The following MAF variants were observed in gnomAD, a reference collection of about 807,000 sequenced individuals.
MAF encodes MAF bZIP transcription factor, also known as transcription factor Maf.
A neutral mutation model predicts 22.0 loss-of-function variants in MAF; 10 were observed. The observed-to-expected ratio is 0.45, with a 90% confidence interval of 0.28 to 0.77. MAF has a LOEUF of 0.77. Ranked by LOEUF, MAF falls within the 30% of genes least tolerant of loss-of-function variation. MAF has a pLI of 0.12. For missense variants in MAF, 544 were observed against 548.4 expected (o/e 0.99, Z 0.08); for synonymous variants, 337 against 255.8 (o/e 1.32, Z -3.03).
the MAF span, among the ~76,000 whole-genome samples, chr16:79,533,824 G>T: frequency 7.9e-5 from 12 of 152,264 alleles, no homozygotes; most frequent in Middle Eastern, 6.8e-3. Flanking sequence ...ATCCAGTGAT[G>T]TCCTTCCTTT....
chr16:79,318,185 T>A, the MAF span, among the ~76,000 whole-genome samples: 1 of 152,198 alleles, frequency 6.6e-6, no homozygotes, highest in Non-Finnish European at 1.5e-5. Flanking sequence ...TATGAGACTC[T>A]TAGGCCAGAA....
chr16:79,427,152 G>T, the MAF span, among the ~76,000 whole-genome samples: 1 of 152,012 alleles, frequency 6.6e-6, no homozygotes, highest in African/African-American at 2.4e-5. Context: ...CCACCTTTAT[G>T]CATGTTAAAT....
chr16:79,532,927 A>AT, the MAF span, among the ~76,000 whole-genome samples: 1 of 152,172 alleles, frequency 6.6e-6, no homozygotes, highest in Non-Finnish European at 1.5e-5. Flanking sequence ...ATCCAATATC[A>AT]TTGCTGCAAG....
At chr16:79,568,487 C>G in the MAF span, among the ~76,000 whole-genome samples, 1 of 152,192 alleles carries the variant, frequency 6.6e-6, no homozygotes, top group African/African-American at 2.4e-5. Context: ...CTTTTATCTT[C>G]TCAACATTTC....
the MAF span, among the ~76,000 whole-genome samples, chr16:79,488,212 G>C: frequency 2.0e-5 from 3 of 152,078 alleles, no homozygotes; most frequent in East Asian, 1.9e-4. Context: ...AGCCAGCCAG[G>C]GTACCCCTTG....
the MAF span, among the ~76,000 whole-genome samples, chr16:79,315,477 G>A: frequency 3.3e-5 from 5 of 152,070 alleles, no homozygotes; most frequent in African/African-American, 7.2e-5. Flanking sequence ...TGAGAGCATC[G>A]TTGAGCTGTT....
downstream of MAF, among the ~76,000 whole-genome samples, chr16:79,584,325 G>C (rs1043508670): frequency 1.2e-4 from 18 of 152,132 alleles, no homozygotes; most frequent in African/African-American, 4.1e-4. Context: ...TCCCCCAAGA[G>C]TACCAAGTAT....
the MAF span, among the ~76,000 whole-genome samples, chr16:79,529,110 A>G: frequency 6.6e-6 from 1 of 152,170 alleles, no homozygotes; most frequent in Non-Finnish European, 1.5e-5. Context: ...TGCAGGACTG[A>G]TTGCTAGCTA....
At chr16:79,595,801 C>G in intron 1 of MAF, 1 of 1,057,366 alleles carries the variant, frequency 9.5e-7, no homozygotes, top group Non-Finnish European at 1.1e-6. Flanking sequence ...AAGTTCTCCA[C>G]TGAATATTCA....
At chr16:79,266,104 G>T in the MAF span, among the ~76,000 whole-genome samples, 1 of 151,352 alleles carries the variant, frequency 6.6e-6, no homozygotes, top group Admixed American at 6.6e-5. Context: ...GAACTCCTGA[G>T]CTCAAGTGAT....
chr16:79,439,046 C>T, the MAF span, among the ~76,000 whole-genome samples: 1 of 152,094 alleles, frequency 6.6e-6, no homozygotes, highest in Non-Finnish European at 1.5e-5. Flanking sequence ...AAGATATTGT[C>T]GTGTCCCCTA....
chr16:79,538,538 C>T, the MAF span, among the ~76,000 whole-genome samples: 445 of 152,250 alleles, frequency 2.9e-3, 3 homozygotes, highest in African/African-American at 0.01. Context: ...AACCTGACTA[C>T]ACTTTATTTA....
At chr16:79,537,266 G>A in the MAF span, among the ~76,000 whole-genome samples, 1 of 152,128 alleles carries the variant, frequency 6.6e-6, no homozygotes, top group Non-Finnish European at 1.5e-5. Context: ...CCTTTGTGAG[G>A]CTGCAACAAA....
chr16:79,464,548 A>C, the MAF span, among the ~76,000 whole-genome samples: 1 of 152,192 alleles, frequency 6.6e-6, no homozygotes, highest in Admixed American at 6.5e-5. Flanking sequence ...ATTTTTCGAA[A>C]TGCTGTACAG....
chr16:79,278,050 C>A, the MAF span, among the ~76,000 whole-genome samples: 1 of 152,176 alleles, frequency 6.6e-6, no homozygotes, highest in Non-Finnish European at 1.5e-5. Flanking sequence ...GGGGTAATGC[C>A]TGCGATTGCA....
the MAF span, among the ~76,000 whole-genome samples, chr16:79,369,024 T>A: frequency 3.9e-5 from 6 of 152,352 alleles, no homozygotes; most frequent in East Asian, 1.2e-3. Flanking sequence ...CGCTTTGTTC[T>A]TTGGTGGGTG....
chr16:79,220,111 C>T, the MAF span, among the ~76,000 whole-genome samples: 1 of 151,898 alleles, frequency 6.6e-6, no homozygotes, highest in African/African-American at 2.4e-5. Flanking sequence ...CAAAAATTAG[C>T]CGGGTGTGGT....
At chr16:79,487,405 T>G in the MAF span, among the ~76,000 whole-genome samples, 1 of 152,188 alleles carries the variant, frequency 6.6e-6, no homozygotes, top group East Asian at 1.9e-4. Context: ...TATATGTGCC[T>G]ATACAAATTC....
At chr16:79,538,703 G>C in the MAF span, among the ~76,000 whole-genome samples, 2 of 152,092 alleles carry the variant, frequency 1.3e-5, no homozygotes, top group Non-Finnish European at 1.5e-5. Context: ...GCACATGCTT[G>C]TGGTCCCAGC....
Sources: gnomAD v4.1 joint callset for allele counts (sites outside exome capture counted in the v4.1 genomes callset) on GRCh38, gnomAD v4.1.1 for gene constraint, MANE v1.5 for transcripts, NCBI Gene and HGNC (gene_info 2026-07-23, HGNC 2026-07-21) for gene names.